Variants in CUX2 observed in about 807,000 individuals in gnomAD.
CUX2 encodes the protein cut like homeobox 2.
CUX2 carries 40 observed loss-of-function variants against 144.8 expected under a neutral mutation model. That is an observed-to-expected ratio of 0.28 (90% CI 0.21 to 0.36). The LOEUF is 0.36. Ranked by LOEUF, CUX2 falls within the 10% of genes least tolerant of loss-of-function variation. The pLI is 1.00. For synonymous variants in CUX2, 827 were observed against 875.6 expected (o/e 0.94, Z 0.98); for missense variants, 1,615 against 1,994.0 (o/e 0.81, Z 3.62).
intron 3 of CUX2, among the ~76,000 whole-genome samples, chr12:111,256,257 C>T (rs1178927547): frequency 2.0e-5 from 3 of 152,040 alleles, no homozygotes; most frequent in African/African-American, 7.2e-5. Flanking sequence ...CTCTCTTTGC[C>T]TTCTGTGTGG....
intron 1 of CUX2, among the ~76,000 whole-genome samples, chr12:111,051,633 G>T (rs1870270833): frequency 6.6e-6 from 1 of 151,932 alleles, no homozygotes; most frequent in African/African-American, 2.4e-5. Flanking sequence ...TGAATCTAAA[G>T]CGTGTCTCCT....
chr12:111,240,785 G>A (rs1265960263), intron 3 of CUX2, among the ~76,000 whole-genome samples: 2 of 152,176 alleles, frequency 1.3e-5, no homozygotes, highest in Admixed American at 1.3e-4. Context: ...CTACCTGTGA[G>A]GTTCCTGAAG....
At chr12:111,319,687 G>A (rs994901685) in intron 16 of CUX2, among the ~76,000 whole-genome samples, 8 of 152,216 alleles carry the variant, frequency 5.3e-5, no homozygotes, top group African/African-American at 1.9e-4. Flanking sequence ...AGCTGAGATC[G>A]TGCCATTGCA....
chr12:111,208,050 G>A (rs1235399111), intron 1 of CUX2, among the ~76,000 whole-genome samples: 4 of 152,062 alleles, frequency 2.6e-5, no homozygotes, highest in African/African-American at 9.7e-5. Context: ...AAGGGGAAGT[G>A]GGAGGGACCC....
chr12:111,241,617 G>T (rs1437124647), intron 3 of CUX2, among the ~76,000 whole-genome samples: 1 of 152,262 alleles, frequency 6.6e-6, no homozygotes, highest in African/African-American at 2.4e-5. Flanking sequence ...TCCAACAGTT[G>T]AGAGTTAATT....
intron 2 of CUX2, among the ~76,000 whole-genome samples, chr12:111,216,254 C>T (rs746005196): frequency 6.6e-5 from 10 of 152,230 alleles, no homozygotes; most frequent in Non-Finnish European, 1.0e-4. Context: ...ATTCTAGCTG[C>T]GCCATTCACT....
rs570683851 is a variant in CUX2, at chr12:111,041,567, T to G, written c.63+7327T>G. 4.6e-5 allele frequency among the ~76,000 whole-genome samples: 7 copies of G among 152,360 alleles called. No individual in the cohort carries two copies. In the South Asian group the frequency reaches 1.5e-3, roughly 32 times the overall value. ...ATTAGTGAGATATTTAAAAACACTT[T>G]TGTGTAAGTTGTCAGCATTTAAAAC... On this transcript the variant is annotated intron_variant, in intron 1 of 21. Coordinates refer to ENST00000261726, the MANE Select transcript of CUX2 (RefSeq NM_015267.4).
At chr12:111,226,941 A>C (rs1457757082) in intron 3 of CUX2, among the ~76,000 whole-genome samples, 3 of 152,134 alleles carry the variant, frequency 2.0e-5, no homozygotes, top group Admixed American at 1.3e-4. Context: ...GTCGGTGGGG[A>C]GATAAGGCCG....
Position 111,293,959 on chromosome 12 carries a change from T to G in CUX2, c.560+390T>G, listed in dbSNP as rs538635996. 5.9e-5 allele frequency among the ~76,000 whole-genome samples: 9 copies of G among 152,284 alleles called. No individual in the cohort carries two copies. The highest frequency in any genetic ancestry group is 2.6e-4 in the Admixed American group (4 of 15,302). On this transcript the variant is annotated intron_variant, in intron 6 of 21. Coordinates refer to ENST00000261726, the MANE Select transcript of CUX2 (RefSeq NM_015267.4). The surrounding 1 kb of genome is among the most constrained non-coding windows in gnomAD (Gnocchi z 4.5). ...AGGTGCAAAATTGGTAGAGCAGGAG[T>G]TGGTGCTGCAATCTTTTTAAATTTT...
chr12:111,294,418 A>AT (rs896503542), intron 6 of CUX2, among the ~76,000 whole-genome samples: 4 of 150,716 alleles, frequency 2.7e-5, no homozygotes, highest in Non-Finnish European at 5.9e-5. Context: ...ATATATGCAC[A>AT]TTTTTTTTTA....
chr12:111,113,585 C>T (rs1019599234), intron 1 of CUX2, among the ~76,000 whole-genome samples: 1 of 152,108 alleles, frequency 6.6e-6, no homozygotes, highest in Non-Finnish European at 1.5e-5. Context: ...GACAGAGTCT[C>T]GCTCTGTCAC....
chr12:111,207,323 A>G (rs920015855), intron 1 of CUX2, among the ~76,000 whole-genome samples: 1 of 152,212 alleles, frequency 6.6e-6, no homozygotes, highest in African/African-American at 2.4e-5. Flanking sequence ...CTTTCACTAA[A>G]ATTACTTATA....
chr12:111,155,334 G>C (rs902663678), intron 1 of CUX2, among the ~76,000 whole-genome samples: 38 of 152,162 alleles, frequency 2.5e-4, no homozygotes, highest in African/African-American at 9.2e-4. Flanking sequence ...TTAAAACAGT[G>C]CTTGTCTCAT....
chr12:111,216,671 G>A (rs1881551117), intron 2 of CUX2, among the ~76,000 whole-genome samples: 1 of 152,100 alleles, frequency 6.6e-6, no homozygotes, highest in Non-Finnish European at 1.5e-5. Flanking sequence ...CACCACCTGT[G>A]ACCCAGATTC....
In CUX2 at chr12:111,320,054, G is replaced by T. The variant is rs1298827231; in HGVS notation, c.2045G>T (p.Gly682Val). 1.3e-6 allele frequency: 2 copies of T among 1,544,472 alleles called. No homozygotes were observed. Among genetic ancestry groups the T allele is most frequent in the South Asian group, 1.2e-5 (1 of 84,438 alleles). ...TSVAPLSIAN[G>V]TTPASTSEDA... ...GTGGCCCCGCTGAGCATCGCCAACG[G>T]CACGACCCCCGCCAGCACCTCGGAG... The change falls in exon 17 of 22, where the codon GGC (glycine) becomes GTC (valine). Residue 682 changes from glycine to valine, a missense_variant. Coordinates refer to ENST00000261726, the MANE Select transcript of CUX2 (RefSeq NM_015267.4). The surrounding 1 kb of genome is among the most constrained non-coding windows in gnomAD (Gnocchi z 8.1).
At chr12:111,226,633 A>C (rs911663527) in intron 3 of CUX2, among the ~76,000 whole-genome samples, 1 of 152,186 alleles carries the variant, frequency 6.6e-6, no homozygotes, top group African/African-American at 2.4e-5. Flanking sequence ...ATGGACGTGA[A>C]CCACATATTT....
At position 111,336,438 on chromosome 12, in the gene CUX2, G is replaced by A. The variant is rs1015023987; in HGVS notation, c.3196+1728G>A. On this transcript the variant is annotated intron_variant, in intron 19 of 21. Coordinates refer to ENST00000261726, the MANE Select transcript of CUX2 (RefSeq NM_015267.4). The stretch of plus-strand genomic sequence containing the variant: ...ACACTTCAGTGTTGTGTGTGTGTGT[G>A]TGTGTGTGTGTGTGTGTGTGTTTAA... Among the ~76,000 whole-genome samples the A allele has an allele frequency of 3.3e-5, 5 of 150,932 alleles. No individual in the cohort carries two copies. The East Asian group carries it at 5.8e-4, about 18-fold the overall frequency.
intron 1 of CUX2, among the ~76,000 whole-genome samples, chr12:111,113,244 C>G (rs1415515739): frequency 6.6e-6 from 1 of 152,136 alleles, no homozygotes; most frequent in East Asian, 1.9e-4. Flanking sequence ...GTGATTCTCT[C>G]CAGTAGATGG....
chr12:111,086,672 C>G (rs544282350), intron 1 of CUX2, among the ~76,000 whole-genome samples: 8 of 152,294 alleles, frequency 5.3e-5, no homozygotes, highest in African/African-American at 1.9e-4. Context: ...TGCCCTTTGG[C>G]CACTTGTTTA....
Sources: allele counts gnomAD v4.1 joint callset (sites outside exome capture counted in the v4.1 genomes callset), GRCh38; gene constraint gnomAD v4.1.1; non-coding constraint Gnocchi (gnomAD v3.1); transcripts MANE v1.5; gene names NCBI Gene and HGNC (gene_info 2026-07-23, HGNC 2026-07-21).